ME1: variants seen among roughly 807,000 people sequenced by gnomAD.
ME1 encodes the protein malic enzyme 1.
A neutral mutation model predicts 66.4 loss-of-function variants in ME1; 74 were observed. The ratio of observed to expected loss-of-function variants is 1.11; its 90% confidence interval spans 0.92 to 1.35. ME1 has a LOEUF of 1.35. ME1 is among the 40% of genes most tolerant of loss of function. The probability of loss-of-function intolerance (pLI) is 0.00; values close to 1 mark genes in which losing one functional copy is unlikely to be tolerated. For synonymous variants in ME1, 251 were observed against 235.6 expected, an observed-to-expected ratio of 1.07 and a Z score of -0.60; for missense variants, 750 against 694.1, an observed-to-expected ratio of 1.08 and a Z score of -0.90.
chr6:83,344,647 G>A (rs1363650818), intron 5 of ME1, among the ~76,000 whole-genome samples: 3 of 152,056 alleles, frequency 2.0e-5, no homozygotes, highest in Non-Finnish European at 4.4e-5. Context: ...ACTTTGGGAG[G>A]GCGAGGTGGA....
At chr6:83,323,178 C>A (rs1768213709) in intron 5 of ME1, among the ~76,000 whole-genome samples, 1 of 152,032 alleles carries the variant, frequency 6.6e-6, no homozygotes, top group Non-Finnish European at 1.5e-5. Context: ...AAAGGAAAAA[C>A]CGGGACAGGC....
intron 7 of ME1, 106 bp from the exon 8 acceptor site, chr6:83,239,742 A>G: frequency 1.3e-6 from 1 of 749,222 alleles, no homozygotes; most frequent in Non-Finnish European, 2.3e-6. Context: ...TAACTGGTAC[A>G]GAAGAGAAAC....
intron 1 of ME1, among the ~76,000 whole-genome samples, chr6:83,417,324 A>G (rs1770180048): frequency 6.6e-6 from 1 of 152,104 alleles, no homozygotes; most frequent in Non-Finnish European, 1.5e-5. Context: ...AAGTGCTGGG[A>G]TTACAGGAGC....
At chr6:83,316,692 C>A (rs1768037644) in intron 5 of ME1, among the ~76,000 whole-genome samples, 1 of 151,284 alleles carries the variant, frequency 6.6e-6, no homozygotes, top group Admixed American at 6.6e-5. Context: ...CAAAAAAAAT[C>A]CCAGTAGAAA....
intron 6 of ME1, among the ~76,000 whole-genome samples, chr6:83,277,872 A>C (rs1767214399): frequency 7.4e-6 from 1 of 135,754 alleles, no homozygotes; most frequent in Non-Finnish European, 1.6e-5. Context: ...ATTGCACTCC[A>C]GCTTGGGCGA....
chr6:83,325,464 C>T (rs540015062), intron 5 of ME1, among the ~76,000 whole-genome samples: 43 of 152,248 alleles, frequency 2.8e-4, no homozygotes, highest in African/African-American at 8.4e-4. Context: ...ATTTAGAAAA[C>T]CCCATTGTCT....
chr6:83,221,852 A>G (rs1583325329), intron 12 of ME1, among the ~76,000 whole-genome samples: 1 of 152,228 alleles, frequency 6.6e-6, no homozygotes, highest in East Asian at 1.9e-4. Context: ...TGAGTGGGAC[A>G]TAATTTAGAT....
At chr6:83,274,951 G>T (rs1051505813) in intron 6 of ME1, among the ~76,000 whole-genome samples, 1 of 152,096 alleles carries the variant, frequency 6.6e-6, no homozygotes, top group East Asian at 1.9e-4. Context: ...AATGCCCCAG[G>T]AAAGTACAAT....
At chr6:83,228,463 G>A (rs1790239802) in intron 10 of ME1, among the ~76,000 whole-genome samples, 1 of 151,976 alleles carries the variant, frequency 6.6e-6, no homozygotes, top group South Asian at 2.1e-4. Context: ...TTCCAACCCC[G>A]CTACCCTAGT....
At chr6:83,368,639 G>A (rs1769142451) in intron 3 of ME1, among the ~76,000 whole-genome samples, 1 of 152,088 alleles carries the variant, frequency 6.6e-6, no homozygotes, top group Non-Finnish European at 1.5e-5. Context: ...TACATGCATT[G>A]ATCTCACCAT....
intron 3 of ME1, among the ~76,000 whole-genome samples, chr6:83,397,927 A>T (rs1769768139): frequency 6.6e-6 from 1 of 152,222 alleles, no homozygotes; most frequent in Non-Finnish European, 1.5e-5. Flanking sequence ...AAAAATAGTC[A>T]AACTCATAGT....
chr6:83,367,801 G>T (rs752029431), intron 3 of ME1, among the ~76,000 whole-genome samples: 1 of 152,112 alleles, frequency 6.6e-6, no homozygotes, highest in Non-Finnish European at 1.5e-5. Context: ...CAATATGGCC[G>T]CTTTACTTTC....
At chr6:83,316,585 A>G (rs1273982897) in intron 5 of ME1, among the ~76,000 whole-genome samples, 8 of 152,236 alleles carry the variant, frequency 5.3e-5, no homozygotes, top group African/African-American at 1.7e-4. Flanking sequence ...ACAATAAGGC[A>G]AGAAAAAGAA....
intron 3 of ME1, among the ~76,000 whole-genome samples, chr6:83,367,805 TA>T (rs1769127353): frequency 1.3e-5 from 2 of 152,230 alleles, no homozygotes. Flanking sequence ...ATGGCCGCTT[TA>T]CTTTCTTATC....
At chr6:83,323,218 C>T (rs1768214705) in intron 5 of ME1, among the ~76,000 whole-genome samples, 1 of 152,074 alleles carries the variant, frequency 6.6e-6, no homozygotes, top group South Asian at 2.1e-4. Flanking sequence ...ATGTAAAGAC[C>T]ATTGACATTA....
chr6:83,407,915 A>G lies in ME1; in HGVS notation c.79-14T>C. On this transcript the variant is annotated splice_polypyrimidine_tract_variant and intron_variant, in intron 1 of 13. Coordinates refer to ENST00000369705, the MANE Select transcript of ME1 (RefSeq NM_002395.6). ...AAAGGCCAAGTCCTATAGAGAAAAA[A>G]CACACACACACACACAACAGTATTT... The G allele has an allele frequency of 2.1e-6, 3 of 1,419,954 alleles. No individual in the cohort carries two copies. Among genetic ancestry groups the G allele is most frequent in the East Asian group, 2.6e-5 (1 of 37,796 alleles). The allele number at this position is 1,419,954 out of a possible 1,614,324, so 88.0% of individuals were successfully genotyped here.
At chr6:83,327,067 G>C (rs1159134936) in intron 5 of ME1, among the ~76,000 whole-genome samples, 2 of 152,162 alleles carry the variant, frequency 1.3e-5, no homozygotes, top group Non-Finnish European at 2.9e-5. Context: ...AAATTGTAAA[G>C]ATTTCATGGA....
intron 1 of ME1, among the ~76,000 whole-genome samples, chr6:83,429,191 A>T (rs986190447): frequency 6.6e-6 from 1 of 152,184 alleles, no homozygotes; most frequent in African/African-American, 2.4e-5. Context: ...TGAACCCAGG[A>T]GGTGGAGCTT....
At chr6:83,225,399 T>C (rs1186669635) in intron 11 of ME1, among the ~76,000 whole-genome samples, 3 of 151,990 alleles carry the variant, frequency 2.0e-5, no homozygotes, top group Non-Finnish European at 2.9e-5. Context: ...ATTTGAAAAG[T>C]CTAAAGCATC....
Sources: gnomAD v4.1 joint callset for allele counts (sites outside exome capture counted in the v4.1 genomes callset) on GRCh38, gnomAD v4.1.1 for gene constraint, MANE v1.5 for transcripts, NCBI Gene and HGNC (gene_info 2026-07-23, HGNC 2026-07-21) for gene names.